The following BCKDHB variants were observed in gnomAD, a reference collection of about 807,000 sequenced individuals.
BCKDHB encodes branched chain keto acid dehydrogenase E1 subunit beta, also known as 2-oxoisovalerate dehydrogenase subunit beta, mitochondrial.
A neutral mutation model predicts 48.5 loss-of-function variants in BCKDHB; 41 were observed. The ratio of observed to expected loss-of-function variants is 0.85; its 90% CI spans 0.66 to 1.10. BCKDHB has a LOEUF of 1.10. Among genes scored for constraint, BCKDHB ranks in the 50% least tolerant of loss-of-function variants. The pLI, the probability that BCKDHB is intolerant of heterozygous loss-of-function variation, is 0.00. For missense variants in BCKDHB, 496 were observed against 494.2 expected (o/e 1.00, Z -0.03); for synonymous variants, 201 against 174.8 (o/e 1.15, Z -1.18).
intron 8 of BCKDHB, among the ~76,000 whole-genome samples, chr6:80,204,444 T>G (rs1181926469): frequency 6.6e-6 from 1 of 152,122 alleles, no homozygotes; most frequent in Non-Finnish European, 1.5e-5. Context: ...TCAAATCAAG[T>G]CAGACACCGG....
chr6:80,437,530 G>A, the BCKDHB span, among the ~76,000 whole-genome samples: 1 of 152,150 alleles, frequency 6.6e-6, no homozygotes, highest in Non-Finnish European at 1.5e-5. Flanking sequence ...ATCCCATGAG[G>A]CTTTCTTCAT....
chr6:80,314,801 C>T (rs1768353833), intron 9 of BCKDHB, among the ~76,000 whole-genome samples: 1 of 152,112 alleles, frequency 6.6e-6, no homozygotes, highest in African/African-American at 2.4e-5. Flanking sequence ...AGGGGGAGCT[C>T]AGGCCTCTGG....
intron 8 of BCKDHB, among the ~76,000 whole-genome samples, chr6:80,258,125 A>G (rs1777135894): frequency 6.6e-6 from 1 of 152,114 alleles, no homozygotes; most frequent in South Asian, 2.1e-4. Context: ...CTGGTTCTGT[A>G]TTATGTCTGC....
chr6:80,414,080 T>C, the BCKDHB span, among the ~76,000 whole-genome samples: 2 of 152,216 alleles, frequency 1.3e-5, no homozygotes, highest in Non-Finnish European at 2.9e-5. Flanking sequence ...ATATGATCAT[T>C]GGCCACATGT....
chr6:80,404,894 G>A, the BCKDHB span, among the ~76,000 whole-genome samples: 3 of 151,902 alleles, frequency 2.0e-5, no homozygotes, highest in African/African-American at 7.3e-5. Flanking sequence ...ATAACACTGT[G>A]GTCAGAAAAG....
chr6:80,233,140 TAATC>T (rs1281858212), intron 8 of BCKDHB, among the ~76,000 whole-genome samples: 3 of 152,160 alleles, frequency 2.0e-5, no homozygotes, highest in Non-Finnish European at 2.9e-5. Flanking sequence ...TTTTTGGACT[TAATC>T]ATTGTTTCCA....
At chr6:80,278,808 C>T (rs533832264) in intron 9 of BCKDHB, among the ~76,000 whole-genome samples, 58 of 152,166 alleles carry the variant, frequency 3.8e-4, no homozygotes, top group Non-Finnish European at 6.8e-4. Context: ...CCACCGACCT[C>T]GGCCTCCCAA....
At chr6:80,265,403 A>G (rs1039139973) in intron 8 of BCKDHB, among the ~76,000 whole-genome samples, 1 of 152,134 alleles carries the variant, frequency 6.6e-6, no homozygotes, top group Non-Finnish European at 1.5e-5. Context: ...ATGATACAGC[A>G]TAGATGAACC....
At chr6:80,162,002 A>C (rs1340204138) in intron 3 of BCKDHB, among the ~76,000 whole-genome samples, 2 of 152,168 alleles carry the variant, frequency 1.3e-5, no homozygotes, top group Non-Finnish European at 2.9e-5. Flanking sequence ...TTGCTTGGCA[A>C]AATCTAATTC....
At chr6:80,425,179 G>A in the BCKDHB span, among the ~76,000 whole-genome samples, 13 of 152,252 alleles carry the variant, frequency 8.5e-5, no homozygotes, top group Admixed American at 8.5e-4. Context: ...CAAATATACA[G>A]GGGATAATGA....
chr6:80,413,737 G>T, the BCKDHB span, among the ~76,000 whole-genome samples: 2 of 152,122 alleles, frequency 1.3e-5, no homozygotes, highest in South Asian at 2.1e-4. Flanking sequence ...CTTTGCTATT[G>T]TGAATGGTGC....
chr6:80,210,231 G>A (rs7771726), intron 8 of BCKDHB, among the ~76,000 whole-genome samples: 2 of 147,886 alleles, frequency 1.4e-5, no homozygotes, highest in South Asian at 2.3e-4. Flanking sequence ...ACTAGAGAAT[G>A]GATCAATAAT....
At chr6:80,284,207 G>A (rs749365780) in intron 9 of BCKDHB, among the ~76,000 whole-genome samples, 9 of 152,002 alleles carry the variant, frequency 5.9e-5, no homozygotes, top group Non-Finnish European at 1.0e-4. Flanking sequence ...AAATATAGTC[G>A]AGTTTAAAAT....
At chr6:80,294,162 A>G (rs1767094498) in intron 9 of BCKDHB, among the ~76,000 whole-genome samples, 1 of 152,224 alleles carries the variant, frequency 6.6e-6, no homozygotes, top group Non-Finnish European at 1.5e-5. Flanking sequence ...CCCCGAATGG[A>G]GGGACCGGCT....
intron 9 of BCKDHB, among the ~76,000 whole-genome samples, chr6:80,298,085 G>C (rs1401238985): frequency 6.6e-6 from 1 of 151,736 alleles, no homozygotes; most frequent in African/African-American, 2.4e-5. Flanking sequence ...TTTAACTATA[G>C]CACTCTTTAA....
At chr6:80,446,238 T>A in the BCKDHB span, among the ~76,000 whole-genome samples, 2 of 152,206 alleles carry the variant, frequency 1.3e-5, no homozygotes. Flanking sequence ...TTTAGATGGA[T>A]CATTAGTTAT....
At chr6:80,374,837 C>G in the BCKDHB span, among the ~76,000 whole-genome samples, 3 of 152,232 alleles carry the variant, frequency 2.0e-5, no homozygotes, top group African/African-American at 7.2e-5. Flanking sequence ...ACTTGTAGTA[C>G]TAGCTTGGTT....
intron 3 of BCKDHB, among the ~76,000 whole-genome samples, chr6:80,131,301 A>T (rs73479926): frequency 6.6e-6 from 1 of 152,186 alleles, no homozygotes; most frequent in African/African-American, 2.4e-5. Context: ...AGGCTGCTAC[A>T]TGCACCCAGC....
At chr6:80,168,221 G>C (rs1297524357) in intron 4 of BCKDHB, among the ~76,000 whole-genome samples, 2 of 151,944 alleles carry the variant, frequency 1.3e-5, no homozygotes. Flanking sequence ...GGAGTCCAAG[G>C]CTACAATGAA....
Sources: gnomAD v4.1 joint callset for allele counts (sites outside exome capture counted in the v4.1 genomes callset) on GRCh38, gnomAD v4.1.1 for gene constraint, MANE v1.5 for transcripts, NCBI Gene and HGNC (gene_info 2026-07-23, HGNC 2026-07-21) for gene names.